The following STRN3 variants were observed in gnomAD, a reference collection of about 807,000 sequenced individuals.
The protein encoded by STRN3 is striatin-3.
STRN3 carries 29 observed loss-of-function variants against 95.6 expected under a neutral mutation model. The ratio of observed to expected loss-of-function variants is 0.30; its 90% CI spans 0.23 to 0.41. The LOEUF (loss-of-function observed/expected upper bound fraction) is 0.41. STRN3 is among the 10% of genes least tolerant of loss of function. STRN3 has a pLI of 1.00. For synonymous variants in STRN3, 331 were observed against 357.6 expected (o/e 0.93, Z 0.84); for missense variants, 890 against 972.1 (o/e 0.92, Z 1.12).
intron 1 of STRN3, among the ~76,000 whole-genome samples, chr14:31,021,771 G>C (rs905424957): frequency 1.3e-5 from 2 of 152,166 alleles, no homozygotes; most frequent in African/African-American, 4.8e-5. Flanking sequence ...GCAATTTGAA[G>C]GTCAATCATG....
intron 8 of STRN3, among the ~76,000 whole-genome samples, chr14:30,925,625 A>G (rs1265557841): frequency 6.6e-6 from 1 of 152,220 alleles, no homozygotes; most frequent in Non-Finnish European, 1.5e-5. Context: ...TCAATTACAC[A>G]GTAGGGTGAC....
intron 1 of STRN3, among the ~76,000 whole-genome samples, chr14:30,965,866 A>G (rs1434362968): frequency 6.6e-6 from 1 of 152,042 alleles, no homozygotes; most frequent in East Asian, 1.9e-4. Flanking sequence ...TATGAGTTCT[A>G]AATTTCTTTT....
At position 30,906,950 on chromosome 14, in the gene STRN3, T is replaced by C. The variant is rs748485595; in HGVS notation, c.1815A>G (p.Ser605=). ...TCCATAACCTAACAGTGCCATCTGC[T>C]GAACAAGACAGTAATTGATTTTTTA... The part of the protein sequence containing the change: ...SGIKNQLLSC[S]ADGTVRLWNP... Residue 605 remains serine (S), a synonymous_variant, in exon 14 of 18, where the codon TCA becomes TCG. Transcript: ENST00000357479. 1 of 1,613,974 alleles carries C rather than the reference T, an allele frequency of 6.2e-7. No homozygotes were observed. Among genetic ancestry groups the C allele is most frequent in the Non-Finnish European group, 8.5e-7 (1 of 1,179,890 alleles).
chr14:30,974,646 A>C (rs999100919), intron 1 of STRN3, among the ~76,000 whole-genome samples: 6 of 151,966 alleles, frequency 3.9e-5, no homozygotes, highest in Non-Finnish European at 7.4e-5. Context: ...TGAATAAATA[A>C]AACAAATATT....
chr14:31,019,029 GCCAGGCATAGTGGCTCATGCCTT>G (rs1273609726), intron 1 of STRN3, among the ~76,000 whole-genome samples: 1 of 152,212 alleles, frequency 6.6e-6, no homozygotes, highest in Non-Finnish European at 1.5e-5. Flanking sequence ...GCTGAGGCAT[GCCAGGCATAGTGGCTCATGCCTT>G]TAATCCCAGC....
chr14:30,946,280 T>C (rs1879353697), intron 5 of STRN3, among the ~76,000 whole-genome samples: 1 of 152,144 alleles, frequency 6.6e-6, no homozygotes, highest in Non-Finnish European at 1.5e-5. Context: ...CGGTGGCTCA[T>C]GCCTGTAATC....
At chr14:30,933,662 A>T (rs1163830830) in intron 7 of STRN3, among the ~76,000 whole-genome samples, 1 of 152,188 alleles carries the variant, frequency 6.6e-6, no homozygotes, top group Non-Finnish European at 1.5e-5. Flanking sequence ...ATTTTCAAAT[A>T]GTAAGTACAA....
At chr14:30,964,931 AG>A (rs761106661) in intron 1 of STRN3, among the ~76,000 whole-genome samples, 1 of 151,330 alleles carries the variant, frequency 6.6e-6, no homozygotes, top group Admixed American at 6.6e-5. Flanking sequence ...AAAAAAAAAA[AG>A]AAAAAAAAAG....
chr14:30,935,456 T>G (rs139377989), intron 6 of STRN3, 152 bp from the exon 7 acceptor site: 3 of 801,824 alleles, frequency 3.7e-6, no homozygotes, highest in Admixed American at 3.0e-5. Flanking sequence ...TCCCAAATTA[T>G]ACTTCAGATA....
At position 30,950,415 on chromosome 14, in the gene STRN3, T is replaced by C. The variant is rs142007107; in HGVS notation, c.542+448A>G. Among the ~76,000 whole-genome samples, 1,345 of 152,262 alleles carry C rather than the reference T, an allele frequency of 8.8e-3. 19 individuals are homozygous for C. Among genetic ancestry groups the C allele is most frequent in the African/African-American group, 0.031 (1,295 of 41,550 alleles). On this transcript the variant is annotated intron_variant, in intron 4 of 17. Coordinates refer to ENST00000357479, the MANE Select transcript of STRN3 (RefSeq NM_001083893.2). ...AAAAAAGATTTGCCAGAGAAATATTTCCAATACAGCAAGTAATTCAAAATT... is the reference window on the plus strand; with the variant it reads ...AAAAAAGATTTGCCAGAGAAATATTCCCAATACAGCAAGTAATTCAAAATT...
chr14:30,903,259 A>G (rs1244598922), intron 15 of STRN3, among the ~76,000 whole-genome samples: 1 of 152,040 alleles, frequency 6.6e-6, no homozygotes, highest in African/African-American at 2.4e-5. Context: ...CTAAACATAT[A>G]AAAAATACAT....
intron 1 of STRN3, among the ~76,000 whole-genome samples, chr14:31,015,970 T>C (rs931881282): frequency 1.3e-5 from 2 of 152,182 alleles, no homozygotes; most frequent in Non-Finnish European, 2.9e-5. Flanking sequence ...CTGGCTTCAA[T>C]ACTGTTTTTC....
At chr14:30,955,597 A>G in intron 3 of STRN3, 23 bp downstream of exon 3, 1 of 1,532,340 alleles carries the variant, frequency 6.5e-7, no homozygotes, top group East Asian at 2.4e-5. Context: ...AAAAAAAAAA[A>G]GTAACAGAAG....
At chr14:31,024,392 A>T (rs574946928) in intron 1 of STRN3, among the ~76,000 whole-genome samples, 1 of 152,346 alleles carries the variant, frequency 6.6e-6, no homozygotes, top group South Asian at 2.1e-4. Context: ...TACCAACAGA[A>T]TTCTATAAAT....
chr14:30,935,377 A>G, intron 6 of STRN3, 73 bp from the exon 7 acceptor site: 1 of 1,489,274 alleles, frequency 6.7e-7, no homozygotes, highest in Non-Finnish European at 9.1e-7. Context: ...TTGTCACATA[A>G]CTACATTTAC....
At chr14:31,018,522 C>A in intron 1 of STRN3, 1 of 426,432 alleles carries the variant, frequency 2.3e-6, no homozygotes, top group Non-Finnish European at 4.7e-6. Flanking sequence ...TGCGAAACAA[C>A]TATGGTAAAG....
intron 9 of STRN3, among the ~76,000 whole-genome samples, chr14:30,915,871 GTGTC>G (rs1896725176): frequency 6.6e-6 from 1 of 152,220 alleles, no homozygotes; most frequent in South Asian, 2.1e-4. Context: ...GTGAAGGGAA[GTGTC>G]TGGACATTAG....
At chr14:30,917,434 T>G (rs2139008050) in intron 9 of STRN3, among the ~76,000 whole-genome samples, 1 of 152,280 alleles carries the variant, frequency 6.6e-6, no homozygotes, top group Admixed American at 6.5e-5. Flanking sequence ...GGCTTTGCCT[T>G]AAATTGCAAA....
intron 1 of STRN3, among the ~76,000 whole-genome samples, chr14:30,970,628 T>TC (rs1429118615): frequency 1.3e-5 from 2 of 152,074 alleles, no homozygotes; most frequent in Non-Finnish European, 2.9e-5. Flanking sequence ...ATGTCTTTGA[T>TC]CCCCCACTGC....
Sources: gnomAD v4.1 joint callset for allele counts (sites outside exome capture counted in the v4.1 genomes callset) on GRCh38, gnomAD v4.1.1 for gene constraint, MANE v1.5 for transcripts, NCBI Gene and HGNC (gene_info 2026-07-23, HGNC 2026-07-21) for gene names.